The following MCTP1 variants were observed in gnomAD, a reference collection of about 807,000 sequenced individuals.
MCTP1 encodes the protein multiple C2 and transmembrane domain containing 1, also known as multiple C2 and transmembrane domain-containing protein 1.
MCTP1 carries 69 observed loss-of-function variants against 120.6 expected under a neutral mutation model. That is an observed-to-expected ratio of 0.57 (90% confidence interval 0.47 to 0.70). The LOEUF is 0.70. Among genes scored for constraint, MCTP1 ranks in the 30% least tolerant of loss-of-function variants. MCTP1 has a pLI of 0.00. For synonymous variants in MCTP1, 529 were observed against 493.1 expected, an observed-to-expected ratio of 1.07 and a Z score of -0.96; for missense variants, 1,203 against 1,248.8, an observed-to-expected ratio of 0.96 and a Z score of 0.55.
intron 19 of MCTP1, among the ~76,000 whole-genome samples, chr5:94,771,378 A>G (rs1774040338): frequency 6.6e-6 from 1 of 152,216 alleles, no homozygotes; most frequent in African/African-American, 2.4e-5. Context: ...CTGTCCTTTG[A>G]AGGGTAAAAC....
chr5:95,253,304 AC>A (rs1015703803), intron 1 of MCTP1, among the ~76,000 whole-genome samples: 3 of 152,068 alleles, frequency 2.0e-5, no homozygotes, highest in African/African-American at 7.2e-5. Context: ...AAGAATTTTT[AC>A]CCACATACTC....
intron 1 of MCTP1, among the ~76,000 whole-genome samples, chr5:95,035,426 A>G (rs548929213): frequency 3.3e-5 from 5 of 152,234 alleles, no homozygotes; most frequent in Non-Finnish European, 7.4e-5. Flanking sequence ...AGCAACACGG[A>G]TGCAGCTAGA....
intron 17 of MCTP1, among the ~76,000 whole-genome samples, chr5:94,802,497 A>G (rs1781424519): frequency 6.6e-6 from 1 of 152,182 alleles, no homozygotes; most frequent in African/African-American, 2.4e-5. Flanking sequence ...ACTCCACACT[A>G]AAGCCTCTTC....
intron 17 of MCTP1, among the ~76,000 whole-genome samples, chr5:94,828,571 G>A (rs527557378): frequency 1.3e-3 from 198 of 152,206 alleles, no homozygotes; most frequent in Non-Finnish European, 2.5e-3. Context: ...CCTTCCCCCA[G>A]GTGCTCTGAC....
chr5:95,206,558 C>A (rs535093075), intron 1 of MCTP1, among the ~76,000 whole-genome samples: 1 of 152,100 alleles, frequency 6.6e-6, no homozygotes, highest in Non-Finnish European at 1.5e-5. Flanking sequence ...TTTTTTGAGA[C>A]GGAGTCTCAC....
At chr5:95,149,935 A>G (rs983640120) in intron 1 of MCTP1, among the ~76,000 whole-genome samples, 8 of 151,900 alleles carry the variant, frequency 5.3e-5, no homozygotes, top group Non-Finnish European at 1.0e-4. Context: ...CTGGTTTCAC[A>G]TTGGTCCTGG....
intron 16 of MCTP1, among the ~76,000 whole-genome samples, chr5:94,868,779 A>T (rs1797300702): frequency 6.6e-6 from 1 of 151,966 alleles, no homozygotes; most frequent in South Asian, 2.1e-4. Context: ...TTAAACTCTT[A>T]AACCTTATTG....
At chr5:94,748,490 C>T (rs1580453101) in intron 19 of MCTP1, among the ~76,000 whole-genome samples, 1 of 152,334 alleles carries the variant, frequency 6.6e-6, no homozygotes, top group South Asian at 2.1e-4. Context: ...TTTGTGGCTA[C>T]AGGACAAAAC....
At chr5:94,875,044 A>T (rs1798542014) in intron 12 of MCTP1, among the ~76,000 whole-genome samples, 1 of 152,178 alleles carries the variant, frequency 6.6e-6, no homozygotes, top group Non-Finnish European at 1.5e-5. Flanking sequence ...GCAGTGAATT[A>T]AACAATTTTT....
chr5:94,880,988 T>A (rs368279032), intron 12 of MCTP1, among the ~76,000 whole-genome samples: 1 of 152,142 alleles, frequency 6.6e-6, no homozygotes, highest in Admixed American at 6.6e-5. Context: ...ACACTGTGGA[T>A]GGCTTGCTGA....
chr5:95,164,769 T>C (rs1360774497), intron 1 of MCTP1, among the ~76,000 whole-genome samples: 1 of 152,320 alleles, frequency 6.6e-6, no homozygotes, highest in East Asian at 1.9e-4. Flanking sequence ...AATATTTCTA[T>C]TTATAAAAGG....
intron 1 of MCTP1, among the ~76,000 whole-genome samples, chr5:95,040,397 C>T (rs1842132300): frequency 6.6e-6 from 1 of 151,118 alleles, no homozygotes; most frequent in Non-Finnish European, 1.5e-5. Flanking sequence ...TGAGATGGTG[C>T]TACTGCACTC....
intron 17 of MCTP1, among the ~76,000 whole-genome samples, chr5:94,832,869 C>G (rs1580928651): frequency 6.6e-6 from 1 of 152,188 alleles, no homozygotes; most frequent in African/African-American, 2.4e-5. Context: ...GGTTAAAACA[C>G]GTGTCATGAG....
chr5:95,176,196 G>A (rs1051134840), intron 1 of MCTP1, among the ~76,000 whole-genome samples: 4 of 152,070 alleles, frequency 2.6e-5, no homozygotes, highest in Non-Finnish European at 5.9e-5. Context: ...TGTTTAGTAT[G>A]CCCAGCACTA....
chr5:94,874,478 G>A (rs1258814026), intron 12 of MCTP1, among the ~76,000 whole-genome samples: 1 of 152,056 alleles, frequency 6.6e-6, no homozygotes, highest in Non-Finnish European at 1.5e-5. Flanking sequence ...TTTAATATGT[G>A]TGTGTTAGTT....
chr5:94,786,225 A>C (rs2152965247), intron 18 of MCTP1, among the ~76,000 whole-genome samples: 1 of 152,288 alleles, frequency 6.6e-6, no homozygotes, highest in African/African-American at 2.4e-5. Flanking sequence ...GTACATTTGC[A>C]AAGAATATTC....
intron 8 of MCTP1, 27 bp downstream of exon 8, chr5:94,917,869 A>C: frequency 6.3e-7 from 1 of 1,599,416 alleles, no homozygotes; most frequent in Non-Finnish European, 8.6e-7. Context: ...TCAGAAAAAA[A>C]TAAATGAACT....
intron 1 of MCTP1, among the ~76,000 whole-genome samples, chr5:95,018,555 C>T (rs1253010111): frequency 6.6e-6 from 1 of 151,050 alleles, no homozygotes; most frequent in East Asian, 1.9e-4. Flanking sequence ...GCTGTTGGAG[C>T]AATTATTAGT....
At chr5:95,128,043 T>G (rs955126885) in intron 1 of MCTP1, among the ~76,000 whole-genome samples, 1 of 152,164 alleles carries the variant, frequency 6.6e-6, no homozygotes. Context: ...GAAAACGACT[T>G]GCCTAGATAA....
Sources: gnomAD v4.1 joint callset for allele counts (sites outside exome capture counted in the v4.1 genomes callset) on GRCh38, gnomAD v4.1.1 for gene constraint, MANE v1.5 for transcripts, NCBI Gene and HGNC (gene_info 2026-07-23, HGNC 2026-07-21) for gene names.